Variants in FER observed in about 807,000 individuals in gnomAD.
The protein encoded by FER is FER tyrosine kinase.
A neutral mutation model predicts 111.0 loss-of-function variants in FER; 63 were observed. The ratio of observed to expected loss-of-function variants is 0.57; its 90% CI spans 0.46 to 0.70. The LOEUF (loss-of-function observed/expected upper bound fraction) is 0.70. Among genes scored for constraint, FER ranks in the 30% least tolerant of loss-of-function variants. FER has a pLI of 0.00. For missense variants in FER, 914 were observed against 954.0 expected, an observed-to-expected ratio of 0.96 and a Z score of 0.55; for synonymous variants, 327 against 313.9, an observed-to-expected ratio of 1.04 and a Z score of -0.44.
chr5:109,031,735 C>T (rs1240709427), intron 13 of FER, among the ~76,000 whole-genome samples: 4 of 152,168 alleles, frequency 2.6e-5, no homozygotes, highest in Non-Finnish European at 4.4e-5. Context: ...CTCCTTTTAG[C>T]ATATCAATCA....
At chr5:108,838,686 T>C (rs1329493130) in intron 5 of FER, among the ~76,000 whole-genome samples, 1 of 152,224 alleles carries the variant, frequency 6.6e-6, no homozygotes, top group Non-Finnish European at 1.5e-5. Flanking sequence ...ATGTTTAGTA[T>C]AATGTAAAAT....
At chr5:109,014,675 T>C (rs528083257) in intron 13 of FER, among the ~76,000 whole-genome samples, 2 of 152,278 alleles carry the variant, frequency 1.3e-5, no homozygotes, top group Non-Finnish European at 2.9e-5. Flanking sequence ...CCTTGGGCAG[T>C]ATGGCCATTT....
intron 15 of FER, 139 bp downstream of exon 15, chr5:109,044,934 T>C: frequency 2.0e-6 from 1 of 494,026 alleles, no homozygotes; most frequent in Non-Finnish European, 3.6e-6. Context: ...CAAAAATTTG[T>C]GCTTTTGTGA....
In FER at chr5:108,871,346, AT is replaced by A. The variant is rs749150070; in HGVS notation, c.666-15del. ...TGATAAAACTTTAAAATGCTGCAAA[AT>A]TTTATTTTTGTTTTCAGCAAAGGTA... On this transcript the variant is annotated intron_variant, in intron 6 of 19. Transcript: ENST00000281092. The A allele has an allele frequency of 7.5e-6, 12 of 1,597,782 alleles. No individual in the cohort carries two copies. In the East Asian group the frequency reaches 2.5e-4, roughly 33 times the overall value.
chr5:109,058,525 T>A (rs201972132), intron 16 of FER, among the ~76,000 whole-genome samples: 9,034 of 150,852 alleles, frequency 0.06, 355 homozygotes, highest in South Asian at 0.11. Flanking sequence ...GATTTTTTTT[T>A]AAACTTTTTG....
chr5:109,037,532 C>T (rs536338388), intron 14 of FER, 54 bp downstream of exon 14: 2 of 1,468,872 alleles, frequency 1.4e-6, no homozygotes, highest in East Asian at 2.3e-5. Context: ...ATTGTGAAGA[C>T]TGCAGATTTT....
chr5:109,010,779 C>T (rs1766160984), intron 13 of FER, among the ~76,000 whole-genome samples: 1 of 152,138 alleles, frequency 6.6e-6, no homozygotes, highest in Non-Finnish European at 1.5e-5. Flanking sequence ...TCTGCCCTCT[C>T]GTTTTCTACC....
chr5:109,024,437 G>A (rs751441882), intron 13 of FER, among the ~76,000 whole-genome samples: 2 of 152,124 alleles, frequency 1.3e-5, no homozygotes, highest in Middle Eastern at 3.2e-3. Context: ...GCAGTGGAGA[G>A]AGGTCCTTGG....
intron 16 of FER, among the ~76,000 whole-genome samples, chr5:109,058,857 C>T (rs923290523): frequency 4.0e-5 from 6 of 150,944 alleles, no homozygotes; most frequent in East Asian, 2.0e-4. Context: ...CTCAGCCTCC[C>T]GAGTAGCTGG....
At chr5:109,005,865 C>T (rs1170122687) in intron 13 of FER, among the ~76,000 whole-genome samples, 1 of 152,172 alleles carries the variant, frequency 6.6e-6, no homozygotes, top group Non-Finnish European at 1.5e-5. Flanking sequence ...ATGAATTAAT[C>T]ATTCCATTTA....
intron 13 of FER, among the ~76,000 whole-genome samples, chr5:108,987,300 G>C (rs889332323): frequency 2.6e-5 from 4 of 152,068 alleles, no homozygotes; most frequent in African/African-American, 4.8e-5. Context: ...ACAAAAATTA[G>C]CCGGGCATGG....
chr5:109,071,661 T>A (rs1369060978), intron 16 of FER, among the ~76,000 whole-genome samples: 1 of 151,874 alleles, frequency 6.6e-6, no homozygotes, highest in East Asian at 1.9e-4. Flanking sequence ...AATTTTGGGT[T>A]TTTTTTTCCT....
At chr5:109,056,594 A>G (rs567200930) in intron 16 of FER, among the ~76,000 whole-genome samples, 35 of 152,306 alleles carry the variant, frequency 2.3e-4, no homozygotes, top group Non-Finnish European at 4.9e-4. Context: ...GATGTAGGTC[A>G]GAGGATACAA....
intron 17 of FER, among the ~76,000 whole-genome samples, chr5:109,108,223 GC>G (rs1200414727): frequency 1.3e-5 from 2 of 152,144 alleles, no homozygotes; most frequent in Admixed American, 1.3e-4. Context: ...AATAGATTGA[GC>G]CACAAAAGAG....
chr5:109,100,997 C>A (rs1371441542), intron 17 of FER, among the ~76,000 whole-genome samples: 3 of 151,764 alleles, frequency 2.0e-5, no homozygotes, highest in Non-Finnish European at 4.4e-5. Flanking sequence ...ATTAATTTTT[C>A]TTTCATTTTA....
chr5:108,861,198 ATAATCAC>A (rs1763482825), intron 5 of FER, among the ~76,000 whole-genome samples: 1 of 152,218 alleles, frequency 6.6e-6, no homozygotes, highest in Non-Finnish European at 1.5e-5. Flanking sequence ...TTTTTAGAAA[ATAATCAC>A]TTCTTATTTA....
intron 17 of FER, among the ~76,000 whole-genome samples, chr5:109,125,563 A>G (rs1399250108): frequency 6.6e-6 from 1 of 152,226 alleles, no homozygotes; most frequent in Non-Finnish European, 1.5e-5. Context: ...CTATGAAATT[A>G]GGATAATAAT....
chr5:108,751,662 A>C (rs1165753875), intron 1 of FER, among the ~76,000 whole-genome samples: 1 of 152,192 alleles, frequency 6.6e-6, no homozygotes, highest in African/African-American at 2.4e-5. Context: ...TATTTTTGTA[A>C]TGGAAAAAGC....
Position 108,888,888 on chromosome 5 carries a change from C to T in FER, c.1046+5370C>T, listed in dbSNP as rs188851747. On this transcript the variant is annotated intron_variant, in intron 9 of 19. Coordinates refer to ENST00000281092, the MANE Select transcript of FER (RefSeq NM_005246.4). ...ATGTTAGGACTAGAGACATACACCC[C>T]CTGCAAGTCTCATTATCCTTAAAAA... 2.1e-3 allele frequency among the ~76,000 whole-genome samples: 318 copies of T among 151,804 alleles called. 3 individuals carry two copies. The highest frequency in any genetic ancestry group is 7.1e-3 in the African/African-American group (294 of 41,458).
Sources: gnomAD v4.1 joint callset for allele counts (sites outside exome capture counted in the v4.1 genomes callset) on GRCh38, gnomAD v4.1.1 for gene constraint, MANE v1.5 for transcripts, NCBI Gene and HGNC (gene_info 2026-07-23, HGNC 2026-07-21) for gene names.